Variants in CNTN5 observed in about 807,000 individuals in gnomAD.
The protein encoded by CNTN5 is contactin-5.
Under a neutral mutation model 129.1 loss-of-function variants are expected in CNTN5, and 77 were observed. The observed-to-expected ratio is 0.60, with a 90% CI of 0.50 to 0.72. CNTN5 has a LOEUF of 0.72. Ranked by LOEUF, CNTN5 falls within the 30% of genes least tolerant of loss-of-function variation. The probability of loss-of-function intolerance (pLI) is 0.00; values close to 1 mark genes in which losing one functional copy is unlikely to be tolerated. For missense variants in CNTN5, 1,478 were observed against 1,328.8 expected (o/e 1.11, Z -1.75); for synonymous variants, 509 against 465.6 (o/e 1.09, Z -1.20).
chr11:99,982,368 A>G (rs1301075968), intron 8 of CNTN5, among the ~76,000 whole-genome samples: 2 of 152,212 alleles, frequency 1.3e-5, no homozygotes, highest in African/African-American at 4.8e-5. Flanking sequence ...TTTTAGAAAG[A>G]TAAATATGAA....
intron 17 of CNTN5, among the ~76,000 whole-genome samples, chr11:100,262,189 G>GA (rs1417461654): frequency 6.6e-6 from 1 of 152,086 alleles, no homozygotes; most frequent in Admixed American, 6.5e-5. Flanking sequence ...ACAAATGTAT[G>GA]AAAAAAAGCT....
chr11:99,784,795 G>GTTTTTTTT (rs55715264), intron 3 of CNTN5, among the ~76,000 whole-genome samples: 3 of 93,914 alleles, frequency 3.2e-5, no homozygotes, highest in Non-Finnish European at 4.1e-5. Flanking sequence ...ATCTCATTGT[G>GTTTTTTTT]TTTTTTTTTT....
chr11:100,110,759 A>C (rs1218678719), intron 13 of CNTN5, among the ~76,000 whole-genome samples: 1 of 152,240 alleles, frequency 6.6e-6, no homozygotes, highest in Non-Finnish European at 1.5e-5. Flanking sequence ...TTAGAATCAG[A>C]GATTGATAGA....
At chr11:99,841,891 TATA>T (rs1302517693) in intron 4 of CNTN5, among the ~76,000 whole-genome samples, 15 of 64,862 alleles carry the variant, frequency 2.3e-4, no homozygotes, top group African/African-American at 5.8e-4. Context: ...TATACATATA[TATA>T]TATTTTTTTT....
intron 3 of CNTN5, among the ~76,000 whole-genome samples, chr11:99,565,667 T>C (rs1948980915): frequency 1.3e-5 from 2 of 152,318 alleles, no homozygotes; most frequent in African/African-American, 4.8e-5. Context: ...TACTACTCCT[T>C]AAAATTGCCT....
intron 20 of CNTN5, among the ~76,000 whole-genome samples, chr11:100,301,599 G>T (rs1030697314): frequency 6.6e-6 from 1 of 151,474 alleles, no homozygotes; most frequent in African/African-American, 2.4e-5. Flanking sequence ...TTTGGCATTC[G>T]CTTACTAATT....
rs368992405 is a variant in CNTN5, at chr11:99,577,022, A to G, written c.55+20753A>G. On this transcript the variant is annotated intron_variant, in intron 3 of 24. Transcript: ENST00000524871. ...CAATAAAGGGAAAAAATGTTGAGGGATTTCTATGGTATTATGAATTTCTTT... is the reference window on the plus strand; with the variant it reads ...CAATAAAGGGAAAAAATGTTGAGGGGTTTCTATGGTATTATGAATTTCTTT... Among the ~76,000 whole-genome samples, 174 of 152,252 alleles carry G rather than the reference A, an allele frequency of 1.1e-3. 2 individuals are homozygous for G. The highest frequency in any genetic ancestry group is 4.0e-3 in the African/African-American group (167 of 41,552).
At chr11:99,780,385 A>G (rs756204984) in intron 3 of CNTN5, among the ~76,000 whole-genome samples, 4 of 152,124 alleles carry the variant, frequency 2.6e-5, no homozygotes, top group Non-Finnish European at 5.9e-5. Flanking sequence ...AAATTTGCTT[A>G]GAAAATAATT....
At chr11:99,342,250 T>A (rs1453934574) in intron 2 of CNTN5, among the ~76,000 whole-genome samples, 4 of 152,112 alleles carry the variant, frequency 2.6e-5, no homozygotes, top group Non-Finnish European at 5.9e-5. Flanking sequence ...TTTGACTCAT[T>A]GCCACAAACT....
At chr11:99,253,592 G>A (rs1037378253) in intron 1 of CNTN5, among the ~76,000 whole-genome samples, 1 of 151,530 alleles carries the variant, frequency 6.6e-6, no homozygotes, top group Non-Finnish European at 1.5e-5. Context: ...AACTACATTG[G>A]TCAATTTGAG....
chr11:100,274,602 G>T (rs1015664216), intron 18 of CNTN5, among the ~76,000 whole-genome samples: 1 of 152,100 alleles, frequency 6.6e-6, no homozygotes, highest in Non-Finnish European at 1.5e-5. Flanking sequence ...CATACACGTG[G>T]CCAACAATCA....
chr11:99,897,264 A>G (rs1369998389), intron 6 of CNTN5, among the ~76,000 whole-genome samples: 1 of 152,198 alleles, frequency 6.6e-6, no homozygotes, highest in Non-Finnish European at 1.5e-5. Context: ...AAATATTGCT[A>G]GAGGTAGATA....
chr11:99,035,982 T>C (rs941314603), intron 1 of CNTN5, among the ~76,000 whole-genome samples: 2 of 152,090 alleles, frequency 1.3e-5, no homozygotes, highest in African/African-American at 4.8e-5. Flanking sequence ...ACAAAATCTC[T>C]CAGCATTTGC....
chr11:99,770,835 T>C (rs569576964), intron 3 of CNTN5, among the ~76,000 whole-genome samples: 6 of 152,234 alleles, frequency 3.9e-5, no homozygotes, highest in Admixed American at 3.3e-4. Flanking sequence ...ACATAAAATA[T>C]TCTAAATAGC....
chr11:99,046,393 G>T (rs1864207493), intron 1 of CNTN5, among the ~76,000 whole-genome samples: 1 of 151,938 alleles, frequency 6.6e-6, no homozygotes, highest in African/African-American at 2.4e-5. Context: ...GTTCACTGTG[G>T]GATGCTAGAA....
chr11:99,439,231 G>C (rs920430633), intron 2 of CNTN5, among the ~76,000 whole-genome samples: 1 of 152,054 alleles, frequency 6.6e-6, no homozygotes, highest in Admixed American at 6.6e-5. Context: ...TGTTGGAGGA[G>C]AGCAGAGAAG....
At chr11:99,961,396 C>T (rs117652624) in intron 8 of CNTN5, among the ~76,000 whole-genome samples, 2,377 of 152,058 alleles carry the variant, frequency 0.016, 28 homozygotes, top group Non-Finnish European at 0.024. Flanking sequence ...AGAGGAAGAG[C>T]ATCACCAAGT....
At chr11:99,244,495 AC>A (rs1861720848) in intron 1 of CNTN5, among the ~76,000 whole-genome samples, 1 of 152,188 alleles carries the variant, frequency 6.6e-6, no homozygotes, top group Non-Finnish European at 1.5e-5. Context: ...ATTAACAATG[AC>A]CTTTTTTTAC....
rs182606461 is a variant in CNTN5, at chr11:99,831,801, T to A, written c.277+12036T>A. On this transcript the variant is annotated intron_variant, in intron 4 of 24. Coordinates refer to ENST00000524871, the MANE Select transcript of CNTN5 (RefSeq NM_014361.4). ...TGATACTTCAAAATGTTATTTTTTT[T>A]AATTTTGAGTCAGCTCATGAGGCAC... Among the ~76,000 whole-genome samples the A allele has an allele frequency of 2.6e-4, 40 of 152,296 alleles. 1 individual carries two copies. Among genetic ancestry groups the A allele is most frequent in the African/African-American group, 7.0e-4 (29 of 41,568 alleles).
Sources: allele counts gnomAD v4.1 joint callset (sites outside exome capture counted in the v4.1 genomes callset), GRCh38; gene constraint gnomAD v4.1.1; transcripts MANE v1.5; gene names NCBI Gene and HGNC (gene_info 2026-07-23, HGNC 2026-07-21).